Variants in WIPF1 observed in about 807,000 individuals in gnomAD.
The protein encoded by WIPF1 is WAS/WASL-interacting protein family member 1.
WIPF1 carries 13 observed loss-of-function variants against 35.4 expected under a neutral mutation model. The observed-to-expected ratio is 0.37, with a 90% CI of 0.24 to 0.58. WIPF1 has a LOEUF of 0.58. Among genes scored for constraint, WIPF1 ranks in the 20% least tolerant of loss-of-function variants. The pLI, the probability that WIPF1 is intolerant of heterozygous loss-of-function variation, is 0.74. For synonymous variants in WIPF1, 267 were observed against 266.3 expected, an observed-to-expected ratio of 1.00 and a Z score of -0.02; for missense variants, 591 against 667.0, an observed-to-expected ratio of 0.89 and a Z score of 1.25.
chr2:174,576,230 CAAAAA>C (rs66562213), intron 3 of WIPF1, among the ~76,000 whole-genome samples: 4 of 98,956 alleles, frequency 4.0e-5, no homozygotes, highest in African/African-American at 1.3e-4. Flanking sequence ...TGCACTCCAG[CAAAAA>C]AAAAAAAAAA....
In WIPF1 at chr2:174,562,180, A is replaced by G; in HGVS notation, c.*367T>C. On this transcript the variant is annotated 3_prime_UTR_variant, in exon 8 of 8. Coordinates refer to ENST00000679041, the MANE Select transcript of WIPF1 (RefSeq NM_001375834.1). ...AAGCATGCGAAAAAGGAACGGGAGAAAACAGCTCTCAGGGACTTTAATAAT... is the reference window on the plus strand; with the variant it reads ...AAGCATGCGAAAAAGGAACGGGAGAGAACAGCTCTCAGGGACTTTAATAAT... The G allele has an allele frequency of 6.4e-7, 1 of 1,550,536 alleles. No homozygotes were observed. Among genetic ancestry groups the G allele is most frequent in the Non-Finnish European group, 8.7e-7 (1 of 1,146,994 alleles).
rs148484100 is a variant in WIPF1 at position 174,671,722 on chromosome 2, C to A, written c.-39+11052G>T. On this transcript the variant is annotated intron_variant, in intron 1 of 8. Transcript: ENST00000272746. ...GATAAGGGATAAAATAAGCCCCGGT[C>A]TCCCGTAGCGCTCCCAGGCCTATTA... Among the ~76,000 whole-genome samples the A allele has an allele frequency of 3.0e-3, 456 of 152,292 alleles. 2 individuals are homozygous for A. The highest frequency in any genetic ancestry group is 0.01 in the African/African-American group (430 of 41,548).
In WIPF1 at chr2:174,641,781, T is replaced by C. The variant is rs190341486; in HGVS notation, c.-39+40993A>G. Among the ~76,000 whole-genome samples the C allele has an allele frequency of 2.5e-3, 375 of 152,354 alleles. 1 individual carries two copies. Among genetic ancestry groups the C allele is most frequent in the Non-Finnish European group, 4.7e-3 (319 of 68,038 alleles). On this transcript the variant is annotated intron_variant, in intron 1 of 8. Coordinates refer to the WIPF1 transcript ENST00000272746. ...GCACTGACTTTTTTCAGCAACCATTTACCAAGCCTGTGCCACATGCTTTGA... is the reference window on the plus strand; with the variant it reads ...GCACTGACTTTTTTCAGCAACCATTCACCAAGCCTGTGCCACATGCTTTGA...
rs1686691494 is a variant in WIPF1 at position 174,622,017 on chromosome 2, C to G, written c.-38-36406G>C. ...CACTGCCCACCCCACCCTCCCTTCT[C>G]AGAGGGAGTGCAAAGGGGCAGTGTT... On this transcript the variant is annotated intron_variant, in intron 1 of 8. Transcript: ENST00000272746. The surrounding 1 kb of genome is among the most constrained non-coding windows in gnomAD (Gnocchi z 5.1). 6.6e-6 allele frequency among the ~76,000 whole-genome samples: 1 copy of G among 151,190 alleles called. No homozygotes were observed. The highest frequency in any genetic ancestry group is 6.6e-5 in the Admixed American group (1 of 15,212).
chr2:174,582,258 T>A (rs1685265579), intron 2 of WIPF1, among the ~76,000 whole-genome samples: 1 of 152,222 alleles, frequency 6.6e-6, no homozygotes, highest in Non-Finnish European at 1.5e-5. Context: ...CTAGGAAAGA[T>A]CCCTACCTAC....
At chr2:174,575,136 G>T in intron 4 of WIPF1, 68 bp downstream of exon 4, 1 of 1,511,534 alleles carries the variant, frequency 6.6e-7, no homozygotes, top group South Asian at 1.2e-5. Context: ...TAGAGGCTAT[G>T]ACCAGCCTCC....
rs1009182239 is a variant in WIPF1, at chr2:174,561,885, C to T, written c.*662G>A. On this transcript the variant is annotated 3_prime_UTR_variant, in exon 8 of 8. Transcript: ENST00000679041. Reference sequence around the variant, plus strand: ...CACTCTGGATTTTGAAGATTCAGTACCAAAAAATAATATAAAATATCTCAT... The same window carrying T: ...CACTCTGGATTTTGAAGATTCAGTATCAAAAAATAATATAAAATATCTCAT... 9.4e-6 allele frequency: 6 copies of T among 639,900 alleles called. No homozygotes were observed. The highest frequency in any genetic ancestry group is 5.5e-5 in the African/African-American group (3 of 54,660). 39.6% of individuals were successfully genotyped at this position (639,900 alleles called of 1,614,324 possible).
rs1484964992 is a variant in WIPF1, at chr2:174,560,854, A to G, written c.*1693T>C. ...TATAAATGAAACATTTATTCTATAAATAGAAATGTATTTTTCAGAATTTTC... is the reference window on the plus strand; with the variant it reads ...TATAAATGAAACATTTATTCTATAAGTAGAAATGTATTTTTCAGAATTTTC... On this transcript the variant is annotated 3_prime_UTR_variant, in exon 8 of 8. Transcript: ENST00000679041. 5 of 152,626 alleles carry G rather than the reference A, an allele frequency of 3.3e-5. No homozygotes were observed. In the East Asian group the frequency reaches 9.6e-4, roughly 29 times the overall value. The allele number at this position is 152,626 out of a possible 1,614,324, so 9.5% of individuals were successfully genotyped here. A position where few individuals can be genotyped will look rare whatever the true frequency, so the allele number is the denominator to read the frequency against.
intron 1 of WIPF1, among the ~76,000 whole-genome samples, chr2:174,607,652 C>G (rs140207048): frequency 8.1e-4 from 123 of 152,236 alleles, no homozygotes; most frequent in Admixed American, 3.6e-3. Flanking sequence ...CTTCTCCCCC[C>G]ATCTCTTTGC....
chr2:174,568,198 G>A, intron 5 of WIPF1, 125 bp from the exon 6 acceptor site: 1 of 1,192,746 alleles, frequency 8.4e-7, no homozygotes, highest in South Asian at 1.6e-5. Flanking sequence ...GATTTTCTAG[G>A]ATATTTGGCT....
chr2:174,560,810 C>CT lies in WIPF1; in HGVS notation c.*1736dup, dbSNP rs1684466433. On this transcript the variant is annotated 3_prime_UTR_variant, in exon 8 of 8. Coordinates refer to ENST00000679041, the MANE Select transcript of WIPF1 (RefSeq NM_001375834.1). ...ATTAGACATCCCATTTATTAGAACTCTAAGTTCTTTTGCTTTTATATAAAT... is the reference window on the plus strand; with the variant it reads ...ATTAGACATCCCATTTATTAGAACTCTTAAGTTCTTTTGCTTTTATATAAAT... 2 of 152,442 alleles carry CT rather than the reference C, an allele frequency of 1.3e-5. No individual in the cohort carries two copies. The highest frequency in any genetic ancestry group is 2.1e-4 in the South Asian group (1 of 4,824). 9.4% of individuals were successfully genotyped at this position (152,442 alleles called of 1,614,324 possible). A position where few individuals can be genotyped will look rare whatever the true frequency, so the allele number is the denominator to read the frequency against.
chr2:174,616,031 C>T (rs1686497277), intron 1 of WIPF1, among the ~76,000 whole-genome samples: 1 of 152,162 alleles, frequency 6.6e-6, no homozygotes. Context: ...AGGAATATCT[C>T]CCTCTACAAA....
intron 7 of WIPF1, among the ~76,000 whole-genome samples, chr2:174,564,530 A>G (rs1044627886): frequency 1.3e-5 from 2 of 152,158 alleles, no homozygotes; most frequent in African/African-American, 4.8e-5. Context: ...GGAAGGTGCA[A>G]TAGTGAGCAG....
intron 1 of WIPF1, among the ~76,000 whole-genome samples, chr2:174,680,235 G>A (rs1183475041): frequency 6.6e-6 from 1 of 152,210 alleles, no homozygotes; most frequent in Non-Finnish European, 1.5e-5. Context: ...ACCTAGCACA[G>A]AGGATAGCTA....
chr2:174,645,383 C>A (rs1687385776), intron 1 of WIPF1, among the ~76,000 whole-genome samples: 1 of 152,168 alleles, frequency 6.6e-6, no homozygotes, highest in South Asian at 2.1e-4. Context: ...GTTGTTCTGT[C>A]TCTGAGAGAA....
intron 2 of WIPF1, among the ~76,000 whole-genome samples, chr2:174,584,012 A>T (rs778126829): frequency 6.6e-6 from 1 of 151,908 alleles, no homozygotes. Context: ...TTTTTTGTAG[A>T]TATGGGGGTC....
chr2:174,608,439 A>G (rs1396694523), intron 1 of WIPF1, among the ~76,000 whole-genome samples: 1 of 152,240 alleles, frequency 6.6e-6, no homozygotes, highest in Non-Finnish European at 1.5e-5. Context: ...AGGTTGGAAC[A>G]TCACTTGCCT....
chr2:174,675,723 T>C lies in WIPF1; in HGVS notation c.-39+7051A>G, dbSNP rs150924990. 1.5e-3 allele frequency among the ~76,000 whole-genome samples: 234 copies of C among 152,182 alleles called. 2 individuals are homozygous for C. Among genetic ancestry groups the C allele is most frequent in the Admixed American group, 7.9e-3 (121 of 15,274 alleles). On this transcript the variant is annotated intron_variant, in intron 1 of 8. Transcript: ENST00000272746. ...TCAGCAAAAACATAGAAGCAAAGAC[T>C]ATAAATTACAAATACTGAGCACCTG...
intron 2 of WIPF1, 52 bp downstream of exon 2, chr2:174,585,471 C>T (rs1685382125): frequency 1.4e-6 from 2 of 1,443,392 alleles, no homozygotes; most frequent in East Asian, 3.0e-5. Context: ...CAGGTTTTGG[C>T]TTCATTTGGC....
Sources: allele counts gnomAD v4.1 joint callset (sites outside exome capture counted in the v4.1 genomes callset), GRCh38; gene constraint gnomAD v4.1.1; non-coding constraint Gnocchi (gnomAD v3.1); transcripts MANE v1.5; gene names NCBI Gene and HGNC (gene_info 2026-07-23, HGNC 2026-07-21).